The following PSME1 variants were observed in gnomAD, a reference collection of about 807,000 sequenced individuals.
The protein encoded by PSME1 is proteasome activator complex subunit 1.
PSME1 carries 15 observed loss-of-function variants against 38.4 expected under a neutral mutation model. The ratio of observed to expected loss-of-function variants is 0.39; its 90% confidence interval spans 0.26 to 0.60. PSME1 has a LOEUF of 0.60. Among genes scored for constraint, PSME1 ranks in the 20% least tolerant of loss-of-function variants. The pLI, the probability that PSME1 is intolerant of heterozygous loss-of-function variation, is 0.53. For synonymous variants in PSME1, 106 were observed against 106.8 expected (o/e 0.99, Z 0.05); for missense variants, 249 against 305.6 (o/e 0.81, Z 1.38).
intron 2 of PSME1, 26 bp downstream of exon 2, chr14:24,137,043 C>A: frequency 6.2e-7 from 1 of 1,614,136 alleles, no homozygotes; most frequent in Non-Finnish European, 8.5e-7. Flanking sequence ...TCAGCGTGGC[C>A]CCACCCCTGC....
Position 24,138,251 on chromosome 14 carries a change from C to T in PSME1, c.515C>T (p.Thr172Ile). The change falls in exon 8 of 11, where the codon ACT (threonine) becomes ATT (isoleucine). Residue 172 changes from threonine to isoleucine, a missense_variant. Transcript: ENST00000206451. ...CACACCAAGCTAGAAGGCTTCCACACTCAAATCTCTAAGTGAGTGACCACC... is the reference window on the plus strand; with the variant it reads ...CACACCAAGCTAGAAGGCTTCCACATTCAAATCTCTAAGTGAGTGACCACC... ...SLHTKLEGFH[T>I]QISKYFSERG... is the part of the protein sequence containing the mutation. The T allele has an allele frequency of 6.2e-7, 1 of 1,614,238 alleles. No individual in the cohort carries two copies. The highest frequency in any genetic ancestry group is 1.3e-5 in the African/African-American group (1 of 75,070).
At chr14:24,137,612 G>A (rs760853441) in intron 5 of PSME1, 47 bp downstream of exon 5, 1 of 1,612,602 alleles carries the variant, frequency 6.2e-7, no homozygotes, top group South Asian at 1.1e-5. Context: ...CCCACTCACA[G>A]GAGCTCCTCC....
chr14:24,137,643 C>T (rs1455819271), intron 5 of PSME1, 57 bp from the exon 6 acceptor site: 2 of 1,610,392 alleles, frequency 1.2e-6, no homozygotes, highest in East Asian at 4.5e-5. Context: ...TTTCCAGTCT[C>T]CCCTTCGCCC....
Position 24,136,312 on chromosome 14 carries a change from CG to C in PSME1, c.39+15del. On this transcript the variant is annotated intron_variant, in intron 1 of 10. Transcript: ENST00000206451. This position sits in a 1 kb window ranked among gnomAD's most constrained non-coding sequence, Gnocchi z 4.8. The stretch of plus-strand genomic sequence containing the variant: ...GAGGCCCAAGCCAAGGTGAGCGCCG[CG>C]GGGTCTAGAAAGGGCCCACTGGGGA... 1 of 1,521,930 alleles carries C rather than the reference CG, an allele frequency of 6.6e-7. No individual in the cohort carries two copies. The highest frequency in any genetic ancestry group is 8.8e-7 in the Non-Finnish European group (1 of 1,135,932). 94.3% of individuals were successfully genotyped at this position (1,521,930 alleles called of 1,614,324 possible). A position where few individuals can be genotyped will look rare whatever the true frequency, so the allele number is the denominator to read the frequency against.
rs1345854132 is a variant in PSME1 at position 24,137,813 on chromosome 14, T to G, written c.390+16T>G. ...GCTCAACCTGGTAAGCCCTCCCCCT[T>G]AAACTCTCAGGCTTCAAGTCAAACC... On this transcript the variant is annotated intron_variant, in intron 6 of 10. Transcript: ENST00000206451. 6.2e-7 allele frequency: 1 copy of G among 1,610,474 alleles called. No homozygotes were observed. The highest frequency in any genetic ancestry group is 1.7e-5 in the Admixed American group (1 of 60,018).
rs1220838322 is a variant in PSME1 at position 24,137,852 on chromosome 14, T to C, written c.390+55T>C. The C allele has an allele frequency of 2.5e-6, 4 of 1,585,786 alleles. No homozygotes were observed. The African/African-American group carries it at 5.4e-5, about 21-fold the overall frequency. ...TCAAGTCAAACCATTGTCCTCTTGG[T>C]CCCTGCCATTTAGGGCCTGGCACTT... is the stretch of plus-strand genomic sequence containing the variant. On this transcript the variant is annotated intron_variant, in intron 6 of 10. Coordinates refer to ENST00000206451, the MANE Select transcript of PSME1 (RefSeq NM_006263.4).
chr14:24,138,182 C>T lies in PSME1; in HGVS notation c.460-14C>T, dbSNP rs2037948174. 1.9e-6 allele frequency: 3 copies of T among 1,614,020 alleles called. No individual in the cohort carries two copies. The highest frequency in any genetic ancestry group is 1.7e-6 in the Non-Finnish European group (2 of 1,180,010). ...ATGCTTCCTTCCACTTTCCCCCTTG[C>T]TTTTTTTCCCTAGGAGAAGGTGTTT... On this transcript the variant is annotated splice_polypyrimidine_tract_variant and intron_variant, in intron 7 of 10. Transcript: ENST00000206451.
rs780427507 is a variant in PSME1 at position 24,138,057 on chromosome 14, C to T, written c.399C>T (p.Thr133=). Residue 133 remains threonine (T), a synonymous_variant, in exon 7 of 11, where the codon ACC becomes ACT. Transcript: ENST00000206451. ...DVIEQLNLVT[T]WLQLQIPRIE... is the part of the protein sequence containing the mutation. ...CCATTCCCTCTTCCCAGGTCACCACCTGGTTGCAGCTGCAGATACCTCGGA... is the reference window on the plus strand; with the variant it reads ...CCATTCCCTCTTCCCAGGTCACCACTTGGTTGCAGCTGCAGATACCTCGGA... The T allele has an allele frequency of 2.5e-6, 4 of 1,614,104 alleles. No individual in the cohort carries two copies. In the African/African-American group the frequency reaches 5.3e-5, roughly 22 times the overall value.
Position 24,137,683 on chromosome 14 carries a change from C to T in PSME1, c.293-17C>T. 2 of 1,612,354 alleles carry T rather than the reference C, an allele frequency of 1.2e-6. No homozygotes were observed. Among genetic ancestry groups the T allele is most frequent in the Non-Finnish European group, 1.7e-6 (2 of 1,178,358 alleles). Reference sequence around the variant, plus strand: ...CACAGGCTCAATCATGTGACTGACCCATTGCTCACTCTCTAGGTCCTCCCT... The same window carrying T: ...CACAGGCTCAATCATGTGACTGACCTATTGCTCACTCTCTAGGTCCTCCCT... On this transcript the variant is annotated splice_polypyrimidine_tract_variant and intron_variant, in intron 5 of 10. Transcript: ENST00000206451.
At position 24,137,156 on chromosome 14, in the gene PSME1, T is replaced by A; in HGVS notation, c.86T>A (p.Leu29His). Residue 29 changes from leucine (L) to histidine (H), a missense_variant, in exon 3 of 11, where the codon CTC becomes CAC. Coordinates refer to ENST00000206451, the MANE Select transcript of PSME1 (RefSeq NM_006263.4). ...EDLCTKTENL[L>H]GSYFPKKISE... The stretch of plus-strand genomic sequence containing the variant: ...CCTCACACACAGACAGAGAACCTGC[T>A]CGGGAGCTATTTCCCCAAGAAGATT... 1 of 1,614,158 alleles carries A rather than the reference T, an allele frequency of 6.2e-7. No individual in the cohort carries two copies. Among genetic ancestry groups the A allele is most frequent in the Non-Finnish European group, 8.5e-7 (1 of 1,180,028 alleles).
chr14:24,136,195 C>G lies in PSME1; in HGVS notation c.-68C>G, dbSNP rs1349228113. ...GGCGGAGCTGGGTGCGAGCGCCCTACCGCTTTCGCTTTCCCTTCGCGGTGC... is the reference window on the plus strand; with the variant it reads ...GGCGGAGCTGGGTGCGAGCGCCCTAGCGCTTTCGCTTTCCCTTCGCGGTGC... On this transcript the variant is annotated 5_prime_UTR_variant, in exon 1 of 11. Transcript: ENST00000206451. The surrounding 1 kb of genome is among the most constrained non-coding windows in gnomAD (Gnocchi z 4.8). 6.7e-7 allele frequency: 1 copy of G among 1,487,614 alleles called. No individual in the cohort carries two copies. The highest frequency in any genetic ancestry group is 9.0e-7 in the Non-Finnish European group (1 of 1,109,608). The allele number at this position is 1,487,614 out of a possible 1,614,324, so 92.2% of individuals were successfully genotyped here.
chr14:24,138,191 C>A lies in PSME1; in HGVS notation c.460-5C>A. 1 of 1,614,108 alleles carries A rather than the reference C, an allele frequency of 6.2e-7. No homozygotes were observed. Among genetic ancestry groups the A allele is most frequent in the Middle Eastern group, 1.6e-4 (1 of 6,062 alleles). ...TCCACTTTCCCCCTTGCTTTTTTTC[C>A]CTAGGAGAAGGTGTTTGAGCTGATG... On this transcript the variant is annotated splice_region_variant and splice_polypyrimidine_tract_variant and intron_variant, in intron 7 of 10. Coordinates refer to ENST00000206451, the MANE Select transcript of PSME1 (RefSeq NM_006263.4).
In PSME1 at chr14:24,138,918, C is replaced by A. The variant is rs1455154291; in HGVS notation, c.*102C>A. On this transcript the variant is annotated 3_prime_UTR_variant, in exon 11 of 11. Transcript: ENST00000206451. Reference sequence around the variant, plus strand: ...AACTTGCTTCTGTTGAGATTTTTCCCTCACCTTGCCTCTCAGGCACAATAA... The same window carrying A: ...AACTTGCTTCTGTTGAGATTTTTCCATCACCTTGCCTCTCAGGCACAATAA... The A allele has an allele frequency of 1.1e-5, 18 of 1,590,576 alleles. No homozygotes were observed. The highest frequency in any genetic ancestry group is 1.4e-5 in the Non-Finnish European group (16 of 1,166,882).
chr14:24,137,049 C>G lies in PSME1; in HGVS notation c.72+32C>G, dbSNP rs2037915648. ...CATGCCCCATCAGCGTGGCCCCACC[C>G]CTGCCCAACTCCTACTGCTCAACCC... On this transcript the variant is annotated intron_variant, in intron 2 of 10. Transcript: ENST00000206451. 3 of 1,614,044 alleles carry G rather than the reference C, an allele frequency of 1.9e-6. No homozygotes were observed. In the South Asian group the frequency reaches 3.3e-5, roughly 18 times the overall value.
Position 24,136,274 on chromosome 14 carries a change from C to T in PSME1, c.12C>T (p.Leu4=), listed in dbSNP as rs753577148. 2 of 1,530,802 alleles carry T rather than the reference C, an allele frequency of 1.3e-6. No homozygotes were observed. Among genetic ancestry groups the T allele is most frequent in the Non-Finnish European group, 1.8e-6 (2 of 1,140,038 alleles). The allele number at this position is 1,530,802 out of a possible 1,614,324, so 94.8% of individuals were successfully genotyped here. Residue 4 remains leucine, a synonymous_variant, in exon 1 of 11, where the codon CTC becomes CTT. Coordinates refer to ENST00000206451, the MANE Select transcript of PSME1 (RefSeq NM_006263.4). This position sits in a 1 kb window ranked among gnomAD's most constrained non-coding sequence, Gnocchi z 4.8. ...CCCCCGTCCCGGTCATGGCCATGCT[C>T]AGGGTCCAGCCCGAGGCCCAAGCCA... MAM[L]RVQPEAQAKV... is the part of the protein sequence containing the mutation.
chr14:24,137,664 C>T, intron 5 of PSME1, 36 bp from the exon 6 acceptor site: 1 of 1,609,094 alleles, frequency 6.2e-7, no homozygotes, highest in East Asian at 2.2e-5. Flanking sequence ...CTCACACAGG[C>T]TCAATCATGT....
rs1226456761 is a variant in PSME1, at chr14:24,136,945, C to T, written c.40-40C>T. The T allele has an allele frequency of 6.2e-7, 1 of 1,613,668 alleles. No homozygotes were observed. On this transcript the variant is annotated intron_variant, in intron 1 of 10. Transcript: ENST00000206451. The surrounding 1 kb of genome is among the most constrained non-coding windows in gnomAD (Gnocchi z 4.8). ...GGGAACTGTCCTCAAATGAACTGGCCTTAAAGCCAAGTTTCTGAAGGGATG... is the reference window on the plus strand; with the variant it reads ...GGGAACTGTCCTCAAATGAACTGGCTTTAAAGCCAAGTTTCTGAAGGGATG...
chr14:24,137,933 G>T (rs1451102033), intron 6 of PSME1, 116 bp from the exon 7 acceptor site: 1 of 1,496,684 alleles, frequency 6.7e-7, no homozygotes. Flanking sequence ...CAGGCCCTGG[G>T]GCTCAGGATA....
At chr14:24,138,646 G>A (rs1246909232) in intron 10 of PSME1, 86 bp downstream of exon 10, 1 of 1,613,408 alleles carries the variant, frequency 6.2e-7, no homozygotes, top group Non-Finnish European at 8.5e-7. Context: ...AGGGGTTAAG[G>A]GTGACAAAGC....
Sources: gnomAD v4.1 joint callset for allele counts on GRCh38, gnomAD v4.1.1 for gene constraint, Gnocchi (gnomAD v3.1) non-coding constraint, MANE v1.5 for transcripts, NCBI Gene and HGNC (gene_info 2026-07-23, HGNC 2026-07-21) for gene names.